DPP6: variants seen among roughly 807,000 people sequenced by gnomAD.
DPP6 encodes the protein A-type potassium channel modulatory protein DPP6.
DPP6 carries 69 observed loss-of-function variants against 122.6 expected under a neutral mutation model. That is an observed-to-expected ratio of 0.56 (90% CI 0.46 to 0.69). The LOEUF (loss-of-function observed/expected upper bound fraction) is 0.69. DPP6 is among the 30% of genes least tolerant of loss of function. DPP6 has a pLI of 0.00. For synonymous variants in DPP6, 418 were observed against 433.1 expected (o/e 0.97, Z 0.43); for missense variants, 928 against 1,116.9 (o/e 0.83, Z 2.41).
At chr7:154,729,963 A>G (rs1190268652) in intron 8 of DPP6, among the ~76,000 whole-genome samples, 1 of 152,180 alleles carries the variant, frequency 6.6e-6, no homozygotes, top group East Asian at 1.9e-4. Context: ...AGATGTCCCC[A>G]GCTCCACCAA....
intron 1 of DPP6, among the ~76,000 whole-genome samples, chr7:154,442,005 T>C (rs1287385621): frequency 6.6e-6 from 1 of 152,254 alleles, no homozygotes; most frequent in African/African-American, 2.4e-5. Flanking sequence ...GATTGCCAAC[T>C]ATGCGTGTCA....
At chr7:154,609,926 C>T (rs918166500) in intron 5 of DPP6, among the ~76,000 whole-genome samples, 2 of 152,198 alleles carry the variant, frequency 1.3e-5, no homozygotes, top group Non-Finnish European at 2.9e-5. Flanking sequence ...TTTATATTCT[C>T]CTTGGAAAAA....
chr7:154,425,956 A>T (rs1259758955), intron 1 of DPP6, among the ~76,000 whole-genome samples: 2 of 152,164 alleles, frequency 1.3e-5, no homozygotes. Context: ...AATATTGTGC[A>T]TATTTTTAAG....
intron 17 of DPP6, among the ~76,000 whole-genome samples, chr7:154,856,366 G>A (rs2177479): frequency 0.4 from 60,201 of 152,132 alleles, 14,470 homozygotes; most frequent in East Asian, 0.79. Flanking sequence ...CTCCCACGGT[G>A]CTGGATCAAG....
chr7:154,313,214 A>G (rs900384452), intron 1 of DPP6, among the ~76,000 whole-genome samples: 5 of 152,168 alleles, frequency 3.3e-5, no homozygotes, highest in African/African-American at 9.7e-5. Context: ...GGGGGAAAGG[A>G]GAGCTGGATG....
At chr7:154,292,278 C>T (rs1464051455) in intron 1 of DPP6, among the ~76,000 whole-genome samples, 2 of 152,128 alleles carry the variant, frequency 1.3e-5, no homozygotes, top group East Asian at 3.9e-4. Flanking sequence ...CCACAAGTTT[C>T]ACCCTAGTGA....
chr7:153,816,021 T>C, the DPP6 span, among the ~76,000 whole-genome samples: 1 of 152,118 alleles, frequency 6.6e-6, no homozygotes, highest in Non-Finnish European at 1.5e-5. Context: ...CAATCTCAGA[T>C]GTATTTAAGT....
intron 3 of DPP6, among the ~76,000 whole-genome samples, chr7:154,492,693 A>G (rs1171617454): frequency 6.6e-6 from 1 of 152,170 alleles, no homozygotes; most frequent in African/African-American, 2.4e-5. Flanking sequence ...GAGGATCACA[A>G]GTCTCATGGC....
At chr7:154,876,220 G>C in intron 20 of DPP6, 120 bp downstream of exon 20, 4 of 1,355,592 alleles carry the variant, frequency 3.0e-6, no homozygotes, top group Non-Finnish European at 3.8e-6. Context: ...CATGCAATTT[G>C]CTCTTACCTA....
chr7:153,933,687 TCTC>T (rs1801284748), intron 1 of DPP6, among the ~76,000 whole-genome samples: 1 of 21,024 alleles, frequency 4.8e-5, no homozygotes, highest in Non-Finnish European at 9.6e-5. Context: ...CCACATTCTC[TCTC>T]TCTCTCTCTC....
chr7:154,252,880 T>C (rs1802435952), intron 1 of DPP6, among the ~76,000 whole-genome samples: 1 of 152,110 alleles, frequency 6.6e-6, no homozygotes, highest in African/African-American at 2.4e-5. Context: ...ATGGGAAGAG[T>C]CTACGTGGCA....
chr7:154,185,615 C>T (rs1039001530), intron 1 of DPP6, among the ~76,000 whole-genome samples: 2 of 152,066 alleles, frequency 1.3e-5, no homozygotes, highest in Non-Finnish European at 2.9e-5. Flanking sequence ...TCATCCTGAT[C>T]GTTAGAAATC....
rs1008231226 is a variant in DPP6, at chr7:154,152,175, A to G, written c.243+99112A>G. Among the ~76,000 whole-genome samples the G allele has an allele frequency of 3.4e-4, 51 of 151,960 alleles. 1 individual carries two copies. Among genetic ancestry groups the G allele is most frequent in the African/African-American group, 1.1e-3 (47 of 41,444 alleles). ...AAAGGGGTTGCTGGAGGTGCTGGCT[A>G]CAGGGCAGTGACAGAGAAAGCAGTG... On this transcript the variant is annotated intron_variant, in intron 1 of 25. Coordinates refer to ENST00000377770, the MANE Select transcript of DPP6 (RefSeq NM_130797.4).
At chr7:153,888,037 G>C (rs1473381396) in intron 1 of DPP6, among the ~76,000 whole-genome samples, 3 of 152,198 alleles carry the variant, frequency 2.0e-5, no homozygotes, top group African/African-American at 7.2e-5. Flanking sequence ...CTCGCTGACC[G>C]CGGGTCGGTC....
intron 8 of DPP6, among the ~76,000 whole-genome samples, chr7:154,744,162 G>A (rs929443163): frequency 6.6e-6 from 1 of 151,982 alleles, no homozygotes. Flanking sequence ...CTCAAAAGCA[G>A]CTTCTCCAAG....
chr7:154,423,499 C>A (rs1331473986), intron 1 of DPP6, among the ~76,000 whole-genome samples: 1 of 152,192 alleles, frequency 6.6e-6, no homozygotes, highest in South Asian at 2.1e-4. Context: ...AGGAATGTGA[C>A]CTTGTTCTGT....
the DPP6 span, among the ~76,000 whole-genome samples, chr7:153,868,086 C>T: frequency 1.3e-5 from 2 of 151,920 alleles, no homozygotes; most frequent in East Asian, 3.9e-4. Flanking sequence ...CATCAATGTT[C>T]ATCAAGGATA....
chr7:154,030,489 A>G (rs531988111), intron 1 of DPP6, among the ~76,000 whole-genome samples: 3 of 152,128 alleles, frequency 2.0e-5, no homozygotes, highest in Non-Finnish European at 4.4e-5. Flanking sequence ...CATCTGGAGC[A>G]TGGGCCTGGG....
At position 154,152,311 on chromosome 7, in the gene DPP6, C is replaced by T. The variant is rs554128117; in HGVS notation, c.243+99248C>T. On this transcript the variant is annotated intron_variant, in intron 1 of 25. Transcript: ENST00000377770. ...GAACCAGGGGTACAGGGATGGGGTGCGACCAGCAGCTAATCTAACTGGTGT... is the reference window on the plus strand; with the variant it reads ...GAACCAGGGGTACAGGGATGGGGTGTGACCAGCAGCTAATCTAACTGGTGT... Among the ~76,000 whole-genome samples, 561 of 152,158 alleles carry T rather than the reference C, an allele frequency of 3.7e-3. 3 individuals are homozygous for T. The highest frequency in any genetic ancestry group is 0.013 in the African/African-American group (538 of 41,516).
Sources: allele counts gnomAD v4.1 joint callset (sites outside exome capture counted in the v4.1 genomes callset), GRCh38; gene constraint gnomAD v4.1.1; transcripts MANE v1.5; gene names NCBI Gene and HGNC (gene_info 2026-07-23, HGNC 2026-07-21).